GATA5: variants seen among roughly 807,000 people sequenced by gnomAD.
The protein encoded by GATA5 is GATA binding protein 5, also known as transcription factor GATA-5.
Under a neutral mutation model 35.0 loss-of-function variants are expected in GATA5, and 27 were observed. That is an observed-to-expected ratio of 0.77 (90% CI 0.57 to 1.06). The LOEUF (loss-of-function observed/expected upper bound fraction) is 1.06, where lower values mean the gene tolerates loss of function less well. Ranked by LOEUF, GATA5 falls within the 50% of genes least tolerant of loss-of-function variation. The probability of loss-of-function intolerance (pLI) is 0.00; values close to 1 mark genes in which losing one functional copy is unlikely to be tolerated. For missense variants in GATA5, 612 were observed against 580.0 expected, an observed-to-expected ratio of 1.06 and a Z score of -0.57; for synonymous variants, 306 against 267.8, an observed-to-expected ratio of 1.14 and a Z score of -1.39.
At chr20:62,465,120 G>A in intron 6 of GATA5, 129 bp from the exon 7 acceptor site, 3 of 911,050 alleles carry the variant, frequency 3.3e-6, no homozygotes, top group South Asian at 1.7e-5. Context: ...CTGATGCCCT[G>A]GAATGGCATG....
chr20:62,464,312 A>G lies in GATA5; in HGVS notation c.*524T>C. On this transcript the variant is annotated 3_prime_UTR_variant, in exon 7 of 7. Transcript: ENST00000252997. ...TGTTGCGGGAAAAGTTCTCTGCACC[A>G]CAGCTCCGTCTATCCATGTGGGCAA... 6.6e-6 allele frequency: 1 copy of G among 152,332 alleles called. No homozygotes were observed. Among genetic ancestry groups the G allele is most frequent in the Non-Finnish European group, 1.5e-5 (1 of 68,140 alleles). 9.4% of individuals were successfully genotyped at this position (152,332 alleles called of 1,614,324 possible).
rs559297119 is a variant in GATA5, at chr20:62,465,142, G to A, written c.1039-151C>T. ...CCTGGAATGGCATGGGGGACCCCAC[G>A]TGAGGCACTGGGGTTTCTCCCACAT... On this transcript the variant is annotated intron_variant, in intron 6 of 6. Coordinates refer to ENST00000252997, the MANE Select transcript of GATA5 (RefSeq NM_080473.5). The A allele has an allele frequency of 1.5e-4, 130 of 892,548 alleles. 1 individual carries two copies. The Middle Eastern group carries it at 1.7e-3, about 12-fold the overall frequency. 55.3% of individuals were successfully genotyped at this position (892,548 alleles called of 1,614,324 possible).
chr20:62,467,680 G>C (rs1450214948), intron 3 of GATA5, among the ~76,000 whole-genome samples: 2 of 152,236 alleles, frequency 1.3e-5, no homozygotes, highest in Non-Finnish European at 2.9e-5. Flanking sequence ...GCGGCAGCCA[G>C]GGCCAGACCA....
chr20:62,470,782 A>G lies in GATA5; in HGVS notation c.699+2621T>C, dbSNP rs1378680401. ...GCTGCTTGGGGCCCAAGAGCTCCCAACCGTGTCCGAGCACAGAGCCAGACC... is the reference window on the plus strand; with the variant it reads ...GCTGCTTGGGGCCCAAGAGCTCCCAGCCGTGTCCGAGCACAGAGCCAGACC... On this transcript the variant is annotated intron_variant, in intron 3 of 6. Transcript: ENST00000252997. The surrounding 1 kb of genome is among the most constrained non-coding windows in gnomAD (Gnocchi z 4.6). 6.6e-6 allele frequency among the ~76,000 whole-genome samples: 1 copy of G among 152,006 alleles called. No homozygotes were observed. The highest frequency in any genetic ancestry group is 2.4e-5 in the African/African-American group (1 of 41,344).
rs893881038 is a variant in GATA5 at position 62,463,517 on chromosome 20, C to A, written c.*1319G>T. On this transcript the variant is annotated 3_prime_UTR_variant, in exon 7 of 7. Transcript: ENST00000252997. ...GTGAGTGAGGTTCAAGGCTTTATTT[C>A]ACTTTCCCTGTGGCTTCATTTGTCT... 1 of 152,144 alleles carries A rather than the reference C, an allele frequency of 6.6e-6. No homozygotes were observed. The highest frequency in any genetic ancestry group is 1.5e-5 in the Non-Finnish European group (1 of 68,040). The allele number at this position is 152,144 out of a possible 1,614,324, so 9.4% of individuals were successfully genotyped here.
At chr20:62,467,611 C>T (rs4925246) in intron 3 of GATA5, among the ~76,000 whole-genome samples, 5 of 152,232 alleles carry the variant, frequency 3.3e-5, no homozygotes, top group East Asian at 1.9e-4. Context: ...TCCAGGTCCC[C>T]GGCCTCTCTT....
chr20:62,465,721 G>T, intron 5 of GATA5, 113 bp downstream of exon 5: 1 of 949,596 alleles, frequency 1.1e-6, no homozygotes, highest in Non-Finnish European at 1.6e-6. Context: ...GGGGGCATTT[G>T]GACTTCCAGA....
chr20:62,465,196 G>T, intron 6 of GATA5, 144 bp downstream of exon 6: 1 of 998,624 alleles, frequency 1.0e-6, no homozygotes, highest in Non-Finnish European at 1.4e-6. Flanking sequence ...TAGGGGAAGG[G>T]CCACCATACT....
At position 62,465,966 on chromosome 20, in the gene GATA5, C is replaced by T. The variant is rs113822679; in HGVS notation, c.826-45G>A. 2.1e-5 allele frequency: 29 copies of T among 1,377,982 alleles called. No individual in the cohort carries two copies. In the Admixed American group the frequency reaches 5.5e-4, roughly 26 times the overall value. The allele number at this position is 1,377,982 out of a possible 1,614,324, so 85.4% of individuals were successfully genotyped here. Reference sequence around the variant, plus strand: ...TGGAGGCTGGTCCCATCCCTGCTCACCCCGGGCCCCTTGCACAGCACCCCC... The same window carrying T: ...TGGAGGCTGGTCCCATCCCTGCTCATCCCGGGCCCCTTGCACAGCACCCCC... On this transcript the variant is annotated intron_variant, in intron 4 of 6. Transcript: ENST00000252997.
Position 62,464,258 on chromosome 20 carries a change from C to A in GATA5, c.*578G>T, listed in dbSNP as rs1400162957. 6.6e-6 allele frequency: 1 copy of A among 152,144 alleles called. No homozygotes were observed. The highest frequency in any genetic ancestry group is 2.4e-5 in the African/African-American group (1 of 41,440). The allele number at this position is 152,144 out of a possible 1,614,324, so 9.4% of individuals were successfully genotyped here. Reference sequence around the variant, plus strand: ...CGGAATCCTGGCACCGTGCGCGGCCCGCACTCCGATCCCTGGCAGTCCTGC... The same window carrying A: ...CGGAATCCTGGCACCGTGCGCGGCCAGCACTCCGATCCCTGGCAGTCCTGC... On this transcript the variant is annotated 3_prime_UTR_variant, in exon 7 of 7. Coordinates refer to ENST00000252997, the MANE Select transcript of GATA5 (RefSeq NM_080473.5).
intron 3 of GATA5, among the ~76,000 whole-genome samples, chr20:62,468,796 C>T (rs1281421704): frequency 1.3e-5 from 2 of 152,236 alleles, no homozygotes; most frequent in African/African-American, 4.8e-5. Flanking sequence ...GACTTCTGCT[C>T]ACGCTGGAGG....
In GATA5 at chr20:62,464,657, G is replaced by T. The variant is rs1989531168; in HGVS notation, c.*179C>A. On this transcript the variant is annotated 3_prime_UTR_variant, in exon 7 of 7. Coordinates refer to ENST00000252997, the MANE Select transcript of GATA5 (RefSeq NM_080473.5). ...TTCCCTCACCAGCCTTCTTGCTCTG[G>T]GGCCCGACTGCCGTCTGTCCAGAAG... 1 of 509,138 alleles carries T rather than the reference G, an allele frequency of 2.0e-6. No homozygotes were observed. Among genetic ancestry groups the T allele is most frequent in the East Asian group, 3.4e-5 (1 of 28,986 alleles). 31.5% of individuals were successfully genotyped at this position (509,138 alleles called of 1,614,324 possible).
chr20:62,475,956 C>CGGCGGT lies in GATA5; in HGVS notation c.-54_-49dup, dbSNP rs1253827550. 1 of 152,012 alleles carries CGGCGGT rather than the reference C, an allele frequency of 6.6e-6. No individual in the cohort carries two copies. The highest frequency in any genetic ancestry group is 1.5e-5 in the Non-Finnish European group (1 of 68,306). 9.4% of individuals were successfully genotyped at this position (152,012 alleles called of 1,614,324 possible). On this transcript the variant is annotated 5_prime_UTR_variant, in exon 1 of 7. Coordinates refer to ENST00000252997, the MANE Select transcript of GATA5 (RefSeq NM_080473.5). Reference sequence around the variant, plus strand: ...AGCGGGCAGGGAGGGCGGCAGGGCACGGCGGTGGCGGTGGGTCGGCGACCG... The same window carrying CGGCGGT: ...AGCGGGCAGGGAGGGCGGCAGGGCACGGCGGTGGCGGTGGCGGTGGGTCGGCGACCG...
In GATA5 at chr20:62,465,423, T is replaced by TG. The variant is rs782304659; in HGVS notation, c.954dup (p.Ser319GlnfsTer3). 6.2e-7 allele frequency: 1 copy of TG among 1,608,824 alleles called. No homozygotes were observed. Among genetic ancestry groups the TG allele is most frequent in the Non-Finnish European group, 8.5e-7 (1 of 1,179,616 alleles). On this transcript the variant is annotated frameshift_variant, in exon 6 of 7. Coordinates refer to ENST00000252997, the MANE Select transcript of GATA5 (RefSeq NM_080473.5). LOFTEE classifies it high-confidence loss of function. ...GAAGTGGCTGCTGAGCTGTCAGTGC[T>TG]GGCGACAGCAGATGGGGAGGCCGAG...
chr20:62,469,931 GCTC>G (rs1255764530), intron 3 of GATA5, among the ~76,000 whole-genome samples: 2 of 152,204 alleles, frequency 1.3e-5, no homozygotes, highest in Non-Finnish European at 1.5e-5. Context: ...CCGCGCTGGG[GCTC>G]CCTGTGCCAC....
At chr20:62,473,154 C>A (rs529363591) in intron 3 of GATA5, among the ~76,000 whole-genome samples, 2 of 152,256 alleles carry the variant, frequency 1.3e-5, no homozygotes, top group Non-Finnish European at 2.9e-5. Context: ...GCCCCCAGAG[C>A]GCTCCAGGGC....
chr20:62,466,077 G>A (rs1989579499), intron 4 of GATA5, among the ~76,000 whole-genome samples, 156 bp from the exon 5 acceptor site: 1 of 152,208 alleles, frequency 6.6e-6, no homozygotes, highest in African/African-American at 2.4e-5. Flanking sequence ...TGGGCTGGGT[G>A]AGGGGGAGCC....
In GATA5 at chr20:62,465,363, G is replaced by A. The variant is rs1555895949; in HGVS notation, c.1015C>T (p.Pro339Ser). The A allele has an allele frequency of 6.2e-7, 1 of 1,602,172 alleles. No homozygotes were observed. The highest frequency in any genetic ancestry group is 2.2e-5 in the East Asian group (1 of 44,848). The stretch of plus-strand genomic sequence containing the variant: ...ACCTGGGGGGCCATGCTGGGCCCAG[G>A]GCACACTGGGGACGCCAGGCTGGGC... ...AKPSLASPVCPGPSMAPQASG... is the reference protein window; with the variant it reads ...AKPSLASPVCSGPSMAPQASG... The change falls in exon 6 of 7, where the codon CCT becomes TCT. Residue 339 changes from proline to serine, a missense_variant. Physicochemically the swap from Pro to Ser is moderately conservative, Grantham distance 74. Transcript: ENST00000252997.
intron 3 of GATA5, among the ~76,000 whole-genome samples, chr20:62,469,857 C>T (rs1989680421): frequency 6.6e-6 from 1 of 152,312 alleles, no homozygotes; most frequent in South Asian, 2.1e-4. Flanking sequence ...ACTGGGGAGG[C>T]CCGGGGTGGA....
Sources: allele counts gnomAD v4.1 joint callset (sites outside exome capture counted in the v4.1 genomes callset), GRCh38; gene constraint gnomAD v4.1.1; non-coding constraint Gnocchi (gnomAD v3.1); transcripts MANE v1.5; gene names NCBI Gene and HGNC (gene_info 2026-07-23, HGNC 2026-07-21).